The following EIF2B3 variants were observed in gnomAD, a reference collection of about 807,000 sequenced individuals.
The protein encoded by EIF2B3 is eukaryotic translation initiation factor 2B subunit gamma.
EIF2B3 carries 20 observed loss-of-function variants against 54.1 expected under a neutral mutation model. That is an observed-to-expected ratio of 0.37 (90% confidence interval 0.26 to 0.54). EIF2B3 has a LOEUF of 0.54. Ranked by LOEUF, EIF2B3 falls within the 20% of genes least tolerant of loss-of-function variation. The pLI, the probability that EIF2B3 is intolerant of heterozygous loss-of-function variation, is 0.86. For synonymous variants in EIF2B3, 153 were observed against 188.1 expected, an observed-to-expected ratio of 0.81 and a Z score of 1.52; for missense variants, 448 against 547.8, an observed-to-expected ratio of 0.82 and a Z score of 1.82.
intron 10 of EIF2B3, among the ~76,000 whole-genome samples, chr1:44,860,327 A>C (rs1439789947): frequency 6.6e-6 from 1 of 152,126 alleles, no homozygotes. Flanking sequence ...CAAATCTAGT[A>C]ATTTCATCTG....
Position 44,897,343 on chromosome 1 carries a change from C to G in EIF2B3, c.656+12G>C. On this transcript the variant is annotated intron_variant, in intron 6 of 11. Coordinates refer to ENST00000360403, the MANE Select transcript of EIF2B3 (RefSeq NM_020365.5). ...AGTACTGTAGGTTTGACTCTACCACCCTTTTTCTTACCCATTTTCCATTAG... is the reference window on the plus strand; with the variant it reads ...AGTACTGTAGGTTTGACTCTACCACGCTTTTTCTTACCCATTTTCCATTAG... The G allele has an allele frequency of 6.2e-7, 1 of 1,603,612 alleles. No individual in the cohort carries two copies. Among genetic ancestry groups the G allele is most frequent in the Non-Finnish European group, 8.5e-7 (1 of 1,171,190 alleles).
chr1:44,859,487 G>A (rs528571912), intron 10 of EIF2B3, among the ~76,000 whole-genome samples: 99 of 151,980 alleles, frequency 6.5e-4, no homozygotes, highest in African/African-American at 2.1e-3. Flanking sequence ...GTGAAACCCC[G>A]CCTCTATTAA....
intron 6 of EIF2B3, among the ~76,000 whole-genome samples, chr1:44,895,948 C>G (rs1383469595): frequency 5.3e-5 from 8 of 152,076 alleles, no homozygotes; most frequent in Non-Finnish European, 1.2e-4. Flanking sequence ...AAAAATAAAC[C>G]CTTCAATGGC....
At chr1:44,876,238 G>A (rs1382731061) in intron 8 of EIF2B3, among the ~76,000 whole-genome samples, 5 of 151,652 alleles carry the variant, frequency 3.3e-5, no homozygotes, top group African/African-American at 2.4e-5. Context: ...CTGCCTGGCC[G>A]CCATCCCATC....
chr1:44,857,921 T>A, intron 10 of EIF2B3, 114 bp from the exon 11 acceptor site: 1 of 945,226 alleles, frequency 1.1e-6, no homozygotes, highest in Non-Finnish European at 1.7e-6. Flanking sequence ...GCAGTCCAGT[T>A]AATGGCTACG....
chr1:44,890,639 A>C (rs1163485515), intron 6 of EIF2B3, among the ~76,000 whole-genome samples: 4 of 152,072 alleles, frequency 2.6e-5, no homozygotes, highest in African/African-American at 9.7e-5. Context: ...TCCAAAGCAT[A>C]TATGTTTTTT....
intron 3 of EIF2B3, among the ~76,000 whole-genome samples, chr1:44,949,077 C>T (rs1644134450): frequency 6.6e-6 from 1 of 152,148 alleles, no homozygotes; most frequent in East Asian, 1.9e-4. Context: ...CCATGTTGGC[C>T]AGGCTAGTTC....
chr1:44,967,443 T>C, intron 3 of EIF2B3, among the ~76,000 whole-genome samples: 1 of 124,508 alleles, frequency 8.0e-6, no homozygotes, highest in African/African-American at 3.1e-5. Flanking sequence ...CGAGACTCTG[T>C]CTCAAAAAAA....
intron 5 of EIF2B3, among the ~76,000 whole-genome samples, chr1:44,906,475 A>T (rs1207801873): frequency 1.3e-5 from 2 of 152,180 alleles, no homozygotes. Flanking sequence ...ATCTCGACTC[A>T]CTGCAACCTC....
chr1:44,931,264 T>C (rs745879137), intron 4 of EIF2B3, among the ~76,000 whole-genome samples: 2 of 152,192 alleles, frequency 1.3e-5, no homozygotes, highest in Non-Finnish European at 2.9e-5. Flanking sequence ...CCAACAGTCC[T>C]AGGGAAATGA....
At chr1:44,943,012 C>T (rs530029868) in intron 3 of EIF2B3, among the ~76,000 whole-genome samples, 64 of 152,028 alleles carry the variant, frequency 4.2e-4, no homozygotes, top group East Asian at 9.7e-4. Context: ...CCCGCCACCA[C>T]GCCCGGCTAA....
At chr1:44,868,046 C>T (rs917551693) in intron 10 of EIF2B3, among the ~76,000 whole-genome samples, 10 of 151,502 alleles carry the variant, frequency 6.6e-5, no homozygotes, top group East Asian at 3.9e-4. Flanking sequence ...TCCTCCAAGA[C>T]GGCAAATGAC....
Position 44,871,043 on chromosome 1 carries a change from C to T in EIF2B3, c.1202+3635G>A, listed in dbSNP as rs146139167. On this transcript the variant is annotated intron_variant, in intron 10 of 11. Coordinates refer to ENST00000360403, the MANE Select transcript of EIF2B3 (RefSeq NM_020365.5). ...GCCCTGTAGATCAAGGCCTCCTGTA[C>T]GTCACCATGCATTCAACTTGTCCCA... Among the ~76,000 whole-genome samples, 29 of 152,288 alleles carry T rather than the reference C, an allele frequency of 1.9e-4. No homozygotes were observed. In the South Asian group the frequency reaches 4.4e-3, roughly 23 times the overall value.
intron 6 of EIF2B3, among the ~76,000 whole-genome samples, chr1:44,890,629 T>G (rs962706944): frequency 1.3e-5 from 2 of 152,140 alleles, no homozygotes; most frequent in African/African-American, 4.8e-5. Context: ...GAAAATTCCT[T>G]CCAAAGCATA....
chr1:44,871,561 T>C (rs891126573), intron 10 of EIF2B3, among the ~76,000 whole-genome samples: 6 of 152,250 alleles, frequency 3.9e-5, no homozygotes, highest in African/African-American at 1.2e-4. Flanking sequence ...TCATGGTGAA[T>C]TGTTTGTCAT....
chr1:44,964,773 AG>A (rs1644319749), intron 3 of EIF2B3, among the ~76,000 whole-genome samples: 2 of 152,244 alleles, frequency 1.3e-5, no homozygotes, highest in Non-Finnish European at 2.9e-5. Context: ...TAGATTAAAT[AG>A]AGAATTATCA....
At chr1:44,985,443 A>C (rs1301575479) in intron 1 of EIF2B3, among the ~76,000 whole-genome samples, 1 of 152,198 alleles carries the variant, frequency 6.6e-6, no homozygotes, top group Admixed American at 6.5e-5. Context: ...ATGTCTACTT[A>C]AGTGTAACAT....
intron 6 of EIF2B3, among the ~76,000 whole-genome samples, chr1:44,895,317 G>T (rs1405251409): frequency 6.6e-6 from 1 of 152,100 alleles, no homozygotes; most frequent in African/African-American, 2.4e-5. Flanking sequence ...TGCCAGGTGT[G>T]GGAATAACTA....
intron 7 of EIF2B3, among the ~76,000 whole-genome samples, chr1:44,880,676 A>G (rs1433537693): frequency 6.6e-6 from 1 of 152,188 alleles, no homozygotes; most frequent in African/African-American, 2.4e-5. Flanking sequence ...TCAAGACACA[A>G]TGCTGGCCGG....
Sources: allele counts gnomAD v4.1 joint callset (sites outside exome capture counted in the v4.1 genomes callset), GRCh38; gene constraint gnomAD v4.1.1; transcripts MANE v1.5; gene names NCBI Gene and HGNC (gene_info 2026-07-23, HGNC 2026-07-21).